GPM6A: variants seen among roughly 807,000 people sequenced by gnomAD.
GPM6A encodes the protein neuronal membrane glycoprotein M6-a.
GPM6A carries 7 observed loss-of-function variants against 32.1 expected under a neutral mutation model. The ratio of observed to expected loss-of-function variants is 0.22; its 90% CI spans 0.12 to 0.41. The LOEUF is 0.41. Among genes scored for constraint, GPM6A ranks in the 10% least tolerant of loss-of-function variants. GPM6A has a pLI of 1.00. For synonymous variants in GPM6A, 130 were observed against 123.4 expected (o/e 1.05, Z -0.35); for missense variants, 235 against 347.2 (o/e 0.68, Z 2.57).
At chr4:175,756,115 T>C (rs912774186) in intron 1 of GPM6A, among the ~76,000 whole-genome samples, 17 of 152,076 alleles carry the variant, frequency 1.1e-4, no homozygotes, top group Admixed American at 5.2e-4. Context: ...GTGATTAAGA[T>C]CTAGCATGTT....
chr4:175,828,072 T>C (rs1455282661), intron 1 of GPM6A, among the ~76,000 whole-genome samples: 3 of 152,194 alleles, frequency 2.0e-5, no homozygotes, highest in Non-Finnish European at 2.9e-5. Context: ...TAGGTCTTTT[T>C]CCCTAAAACA....
At chr4:175,682,626 C>T (rs1194419710) in intron 2 of GPM6A, among the ~76,000 whole-genome samples, 14 of 152,176 alleles carry the variant, frequency 9.2e-5, no homozygotes, top group Admixed American at 9.2e-4. Context: ...CCTATGCAGC[C>T]TTGGGACACT....
intron 1 of GPM6A, among the ~76,000 whole-genome samples, chr4:175,711,916 A>G (rs1428584924): frequency 6.6e-6 from 1 of 150,522 alleles, no homozygotes; most frequent in Non-Finnish European, 1.5e-5. Flanking sequence ...TGACAAGAAC[A>G]GTTTTTTCCT....
intron 1 of GPM6A, among the ~76,000 whole-genome samples, chr4:175,890,849 C>G (rs951978642): frequency 6.6e-6 from 1 of 152,130 alleles, no homozygotes; most frequent in Admixed American, 6.6e-5. Flanking sequence ...AGCCATCACA[C>G]CCCTCTAAGA....
intron 1 of GPM6A, among the ~76,000 whole-genome samples, chr4:175,771,551 CAAAAAAA>C (rs889739577): frequency 8.6e-4 from 57 of 66,594 alleles, no homozygotes; most frequent in Non-Finnish European, 1.3e-4. Context: ...GACTCTGTCT[CAAAAAAA>C]AAAAAAAAAA....
chr4:175,691,440 A>G (rs1267383730), intron 2 of GPM6A, among the ~76,000 whole-genome samples: 2 of 152,130 alleles, frequency 1.3e-5, no homozygotes, highest in African/African-American at 4.8e-5. Context: ...TTTAAAAAGC[A>G]TATAAGAAAA....
chr4:175,690,297 T>G (rs1744224609), intron 2 of GPM6A, among the ~76,000 whole-genome samples: 1 of 152,238 alleles, frequency 6.6e-6, no homozygotes, highest in South Asian at 2.1e-4. Flanking sequence ...ATAAACCTTT[T>G]GATTTTATCT....
intron 1 of GPM6A, among the ~76,000 whole-genome samples, chr4:175,825,123 T>A (rs1735393678): frequency 6.6e-6 from 1 of 152,212 alleles, no homozygotes; most frequent in South Asian, 2.1e-4. Flanking sequence ...ATCTTGAATA[T>A]AAATTGAATT....
Position 175,640,123 on chromosome 4 carries a change from T to C in GPM6A, c.684+6A>G. 1 of 1,608,620 alleles carries C rather than the reference T, an allele frequency of 6.2e-7. No individual in the cohort carries two copies. Among genetic ancestry groups the C allele is most frequent in the Non-Finnish European group, 8.5e-7 (1 of 1,175,062 alleles). ...AAAACCAAGCACCAGCGCTTTGAGGTCTTACCATAGCAATGACTGCTGCCC... is the reference window on the plus strand; with the variant it reads ...AAAACCAAGCACCAGCGCTTTGAGGCCTTACCATAGCAATGACTGCTGCCC... On this transcript the variant is annotated splice_donor_region_variant and intron_variant, in intron 6 of 6. Coordinates refer to ENST00000393658, the MANE Select transcript of GPM6A (RefSeq NM_201591.3).
At chr4:175,676,671 AG>A (rs1424036916) in intron 2 of GPM6A, among the ~76,000 whole-genome samples, 2 of 152,144 alleles carry the variant, frequency 1.3e-5, no homozygotes, top group Non-Finnish European at 2.9e-5. Context: ...GTTTGTGTTG[AG>A]GAGGTCAATG....
At chr4:175,723,163 T>A (rs1469334615) in intron 1 of GPM6A, among the ~76,000 whole-genome samples, 1 of 152,228 alleles carries the variant, frequency 6.6e-6, no homozygotes, top group African/African-American at 2.4e-5. Flanking sequence ...TCTAATTTTA[T>A]TTTTCTTTCA....
At chr4:175,773,915 A>G (rs990322440) in intron 1 of GPM6A, among the ~76,000 whole-genome samples, 16 of 152,092 alleles carry the variant, frequency 1.1e-4, no homozygotes, top group African/African-American at 3.6e-4. Flanking sequence ...ATGATATACC[A>G]TTTCATAAAT....
At chr4:175,809,753 GAAA>G (rs1734843169) in intron 1 of GPM6A, among the ~76,000 whole-genome samples, 1 of 152,218 alleles carries the variant, frequency 6.6e-6, no homozygotes, top group East Asian at 1.9e-4. Flanking sequence ...TCACTATGAA[GAAA>G]AATATATTTC....
At chr4:175,907,854 C>G (rs1375576031) in intron 1 of GPM6A, among the ~76,000 whole-genome samples, 10 of 152,136 alleles carry the variant, frequency 6.6e-5, no homozygotes, top group Non-Finnish European at 1.5e-4. Context: ...TATGAAGGCT[C>G]CCATGTCACA....
At chr4:175,706,812 C>T (rs1312932642) in intron 1 of GPM6A, among the ~76,000 whole-genome samples, 1 of 152,138 alleles carries the variant, frequency 6.6e-6, no homozygotes, top group East Asian at 1.9e-4. Context: ...AGATACAGGT[C>T]ATGAAGACCT....
At position 175,748,918 on chromosome 4, in the gene GPM6A, T is replaced by C. The variant is rs866743751; in HGVS notation, c.38-47151A>G. Among the ~76,000 whole-genome samples, 13 of 152,326 alleles carry C rather than the reference T, an allele frequency of 8.5e-5. No homozygotes were observed. In the South Asian group the frequency reaches 1.4e-3, roughly 17 times the overall value. On this transcript the variant is annotated intron_variant, in intron 1 of 6. Coordinates refer to ENST00000393658, the MANE Select transcript of GPM6A (RefSeq NM_201591.3). ...ACTGCAGCTTCTACATTAGTACTTG[T>C]TGCTTCACCTTACAATTTTTATGGA...
chr4:175,740,479 A>G (rs1189759826), intron 1 of GPM6A, among the ~76,000 whole-genome samples: 1 of 151,970 alleles, frequency 6.6e-6, no homozygotes, highest in Non-Finnish European at 1.5e-5. Flanking sequence ...GTCATTGTGG[A>G]CTTTCTCAGT....
chr4:175,739,290 A>G (rs1158417878), intron 1 of GPM6A, among the ~76,000 whole-genome samples: 1 of 152,176 alleles, frequency 6.6e-6, no homozygotes, highest in Admixed American at 6.5e-5. Context: ...TTTGCCGAAG[A>G]AATATAAATT....
At chr4:175,820,733 A>T (rs1735254071) in intron 1 of GPM6A, among the ~76,000 whole-genome samples, 1 of 151,722 alleles carries the variant, frequency 6.6e-6, no homozygotes, top group Admixed American at 6.6e-5. Flanking sequence ...TTCTGACCTC[A>T]AGTGATCCAC....
Sources: allele counts gnomAD v4.1 joint callset (sites outside exome capture counted in the v4.1 genomes callset), GRCh38; gene constraint gnomAD v4.1.1; transcripts MANE v1.5; gene names NCBI Gene and HGNC (gene_info 2026-07-23, HGNC 2026-07-21).